CASK: variants seen among roughly 807,000 people sequenced by gnomAD.
CASK encodes the protein calcium/calmodulin dependent serine protein kinase.
Under a neutral mutation model 82.9 loss-of-function variants are expected in CASK, and 4 were observed. That is an observed-to-expected ratio of 0.05 (90% CI 0.02 to 0.11). CASK has a LOEUF of 0.11. Ranked by LOEUF, CASK falls within the 10% of genes least tolerant of loss-of-function variation. The pLI, the probability that CASK is intolerant of heterozygous loss-of-function variation, is 1.00. For missense variants in CASK, 358 were observed against 720.9 expected (o/e 0.50, Z 5.76); for synonymous variants, 259 against 253.5 (o/e 1.02, Z -0.20).
intron 2 of CASK, among the ~76,000 whole-genome samples, chrX:41,809,570 A>G (rs148588442): frequency 0.044 from 4,952 of 112,114 alleles, 94 homozygotes; most frequent in South Asian, 0.095. Context: ...AAGGACATCC[A>G]CACCAAAACC....
chrX:41,751,796 C>A (rs1455474586), intron 3 of CASK, among the ~76,000 whole-genome samples: 1 of 111,163 alleles, frequency 9.0e-6, no homozygotes, highest in East Asian at 2.8e-4. Context: ...GTAATCCCAG[C>A]ACTTTGGGAG....
intron 11 of CASK, among the ~76,000 whole-genome samples, chrX:41,621,663 T>C (rs1318892509): frequency 8.9e-6 from 1 of 112,013 alleles, no homozygotes; most frequent in East Asian, 2.8e-4. Context: ...TGACAACTGC[T>C]GTTTTAAGGT....
At chrX:41,696,203 T>C in intron 5 of CASK, 1 of 1,204,080 alleles carries the variant, frequency 8.3e-7, no homozygotes. Context: ...TAACTATGAT[T>C]ATTTTAACAC....
chrX:41,767,080 TTTTG>T (rs773877952), intron 3 of CASK, among the ~76,000 whole-genome samples: 413 of 112,113 alleles, frequency 3.7e-3, no homozygotes, highest in African/African-American at 0.013. Context: ...ATGGTTTCTT[TTTTG>T]TTTGTTTAGA....
intron 2 of CASK, among the ~76,000 whole-genome samples, chrX:41,851,799 T>C (rs1287993338): frequency 8.9e-6 from 1 of 111,754 alleles, no homozygotes; most frequent in African/African-American, 3.2e-5. Context: ...TCTTACTAAG[T>C]TTATAAACAG....
At chrX:41,525,631 C>G (rs906356613) in intron 25 of CASK, among the ~76,000 whole-genome samples, 1 of 111,153 alleles carries the variant, frequency 9.0e-6, no homozygotes, top group Non-Finnish European at 1.9e-5. Context: ...CAATATGGCA[C>G]CCAGCATAAA....
intron 2 of CASK, among the ~76,000 whole-genome samples, chrX:41,812,267 G>C (rs748927072): frequency 9.0e-6 from 1 of 111,313 alleles, no homozygotes; most frequent in East Asian, 2.8e-4. Flanking sequence ...GATACCAAAG[G>C]CTGGCAGAGG....
chrX:41,676,540 C>T lies in CASK; in HGVS notation c.430-5010G>A, dbSNP rs138591265. 22 of 1,101,013 alleles carry T rather than the reference C, an allele frequency of 2.0e-5. No homozygotes were observed. The African/African-American group carries it at 2.2e-4, about 11-fold the overall frequency. 90.7% of individuals were successfully genotyped at this position (1,101,013 alleles called of 1,213,427 possible). A position where few individuals can be genotyped will look rare whatever the true frequency, so the allele number is the denominator to read the frequency against. On this transcript the variant is annotated intron_variant, in intron 5 of 26. Coordinates refer to ENST00000378163, the MANE Select transcript of CASK (RefSeq NM_001367721.1). Reference sequence around the variant, plus strand: ...GGCTCCCCTCGCGCCGGCACGCGGCCTCGCCTGGGTCTACCTGGCGGGCGC... The same window carrying T: ...GGCTCCCCTCGCGCCGGCACGCGGCTTCGCCTGGGTCTACCTGGCGGGCGC...
At position 41,693,452 on chromosome X, in the gene CASK, A is replaced by G. The variant is rs1322563762; in HGVS notation, c.430-21922T>C. ...AACGTGGTGAAACCCCATCTCTACT[A>G]AAAATACAAAAATTAGCCGGGCATG... On this transcript the variant is annotated intron_variant, in intron 5 of 26. Transcript: ENST00000378163. Among the ~76,000 whole-genome samples the G allele has an allele frequency of 2.7e-5, 3 of 110,400 alleles. No individual in the cohort carries two copies. In the East Asian group the frequency reaches 8.5e-4, roughly 31 times the overall value.
intron 5 of CASK, among the ~76,000 whole-genome samples, chrX:41,721,574 C>T (rs1051617372): frequency 3.6e-5 from 4 of 111,763 alleles, no homozygotes; most frequent in Non-Finnish European, 1.9e-5. Context: ...TAAAACATGA[C>T]CCTATTGTGA....
chrX:41,536,077 T>C (rs752563956), intron 22 of CASK, among the ~76,000 whole-genome samples: 1 of 111,520 alleles, frequency 9.0e-6, no homozygotes, highest in East Asian at 2.8e-4. Context: ...GTAAAATTGA[T>C]TTGATGATGT....
At chrX:41,769,987 A>C (rs2069191665) in intron 3 of CASK, among the ~76,000 whole-genome samples, 1 of 111,179 alleles carries the variant, frequency 9.0e-6, no homozygotes, top group Admixed American at 9.6e-5. Flanking sequence ...TTGGAGAAAG[A>C]AAGCATCATC....
At chrX:41,709,187 C>A (rs2067932576) in intron 5 of CASK, among the ~76,000 whole-genome samples, 1 of 111,771 alleles carries the variant, frequency 8.9e-6, no homozygotes, top group Middle Eastern at 4.6e-3. Context: ...ATGCCACCAC[C>A]AAGGAAACAG....
intron 1 of CASK, among the ~76,000 whole-genome samples, chrX:41,917,143 T>A (rs1472423002): frequency 8.9e-6 from 1 of 112,291 alleles, no homozygotes; most frequent in Non-Finnish European, 1.9e-5. Context: ...CAACACAGTA[T>A]TTTCACAACT....
At chrX:41,699,216 C>T (rs773333435) in intron 5 of CASK, among the ~76,000 whole-genome samples, 3 of 111,469 alleles carry the variant, frequency 2.7e-5, no homozygotes, top group Admixed American at 1.9e-4. Context: ...TGAGCCACCG[C>T]GCCCGGCCAG....
chrX:41,690,355 A>AT (rs35276526), intron 5 of CASK, among the ~76,000 whole-genome samples: 2,544 of 106,571 alleles, frequency 0.024, 77 homozygotes, highest in East Asian at 0.11. Context: ...TAAAAAAAAA[A>AT]TTTTTTTTTG....
chrX:41,850,952 G>A (rs1325684507), intron 2 of CASK, among the ~76,000 whole-genome samples: 2 of 111,692 alleles, frequency 1.8e-5, no homozygotes, highest in Admixed American at 9.5e-5. Context: ...GAATCCCATC[G>A]CAAGAAAAAA....
At chrX:41,727,935 C>T (rs778013683) in intron 5 of CASK, 3 of 1,179,539 alleles carry the variant, frequency 2.5e-6, no homozygotes, top group Non-Finnish European at 3.5e-6. Context: ...CCAGAAGTAG[C>T]ACAGACCCCA....
intron 21 of CASK, among the ~76,000 whole-genome samples, chrX:41,545,255 T>G (rs767418651): frequency 8.9e-5 from 10 of 112,313 alleles, no homozygotes; most frequent in Admixed American, 5.6e-4. Flanking sequence ...CTTGAACTCC[T>G]GCTTCGTGTG....
Sources: allele counts gnomAD v4.1 joint callset (sites outside exome capture counted in the v4.1 genomes callset), GRCh38; gene constraint gnomAD v4.1.1; transcripts MANE v1.5; gene names NCBI Gene and HGNC (gene_info 2026-07-23, HGNC 2026-07-21).